Variants in NBEAL1 observed in about 807,000 individuals in gnomAD.
The protein encoded by NBEAL1 is neurobeachin like 1.
In NBEAL1, 273 loss-of-function variants were observed where a neutral mutation model predicts 351.3. The observed-to-expected ratio is 0.78, with a 90% CI of 0.70 to 0.86. The LOEUF is 0.86. Among genes scored for constraint, NBEAL1 ranks in the 40% least tolerant of loss-of-function variants. The pLI is 0.00. For missense variants in NBEAL1, 2,961 were observed against 3,201.3 expected (o/e 0.92, Z 1.81); for synonymous variants, 1,050 against 1,086.4 (o/e 0.97, Z 0.66).
intron 31 of NBEAL1, among the ~76,000 whole-genome samples, chr2:203,144,115 G>A (rs2063449899): frequency 6.6e-6 from 1 of 150,856 alleles, no homozygotes; most frequent in African/African-American, 2.4e-5. Context: ...GGAGGCTGAG[G>A]CAGGAGAATC....
chr2:203,112,622 T>C (rs888632079), intron 16 of NBEAL1, among the ~76,000 whole-genome samples: 2 of 152,328 alleles, frequency 1.3e-5, no homozygotes, highest in East Asian at 3.9e-4. Flanking sequence ...TAATTTTTTG[T>C]TGGTTTTCAT....
upstream of NBEAL1, chr2:203,014,612 C>T (rs1258635932): frequency 6.6e-6 from 1 of 152,258 alleles, no homozygotes; most frequent in Non-Finnish European, 1.5e-5. Flanking sequence ...CACGTCAGCC[C>T]TCCTCCATGT....
chr2:203,150,370 G>A (rs969446532), intron 34 of NBEAL1, among the ~76,000 whole-genome samples: 3 of 151,868 alleles, frequency 2.0e-5, no homozygotes, highest in South Asian at 4.2e-4. Context: ...AGAAATGTCT[G>A]CGCAAGTCCT....
At chr2:203,029,285 C>T (rs1242063019) in intron 2 of NBEAL1, among the ~76,000 whole-genome samples, 1 of 152,132 alleles carries the variant, frequency 6.6e-6, no homozygotes, top group African/African-American at 2.4e-5. Context: ...CCCCCACACC[C>T]AGCCTGCATC....
chr2:203,138,525 A>T, intron 30 of NBEAL1, 95 bp from the exon 31 acceptor site: 1 of 1,295,530 alleles, frequency 7.7e-7, no homozygotes, highest in African/African-American at 1.5e-5. Flanking sequence ...AGCTTTTGAA[A>T]TATTTGTGGT....
chr2:203,169,037 T>G (rs933526555), intron 38 of NBEAL1, among the ~76,000 whole-genome samples: 1 of 152,186 alleles, frequency 6.6e-6, no homozygotes. Flanking sequence ...TTAATTTAAT[T>G]TATTTGCCAA....
intron 7 of NBEAL1, among the ~76,000 whole-genome samples, chr2:203,073,533 T>G (rs1254871776): frequency 2.0e-5 from 3 of 152,102 alleles, no homozygotes; most frequent in South Asian, 4.1e-4. Context: ...CCCAGCTACT[T>G]AGGAGGCTGA....
chr2:203,159,923 A>T (rs1460415667), intron 36 of NBEAL1, among the ~76,000 whole-genome samples: 1 of 151,598 alleles, frequency 6.6e-6, no homozygotes, highest in African/African-American at 2.4e-5. Flanking sequence ...TTTTGTAAAA[A>T]TTCATTATAG....
rs1487575157 is a variant in NBEAL1, at chr2:203,136,331, C to T, written c.4389+79C>T. The T allele has an allele frequency of 1.5e-5, 15 of 1,033,394 alleles. No homozygotes were observed. In the East Asian group the frequency reaches 3.5e-4, roughly 24 times the overall value. 64.0% of individuals were successfully genotyped at this position (1,033,394 alleles called of 1,614,324 possible). A position where few individuals can be genotyped will look rare whatever the true frequency, so the allele number is the denominator to read the frequency against. On this transcript the variant is annotated intron_variant, in intron 28 of 55. Transcript: ENST00000683969. ...CTTCTAATCCTTAGAAATATGTGAG[C>T]AGTTGTTAACAATTTCATATTGTAT...
intron 47 of NBEAL1, among the ~76,000 whole-genome samples, chr2:203,194,415 A>G (rs891795744): frequency 1.4e-4 from 22 of 152,220 alleles, no homozygotes; most frequent in African/African-American, 5.1e-4. Flanking sequence ...TATAAAATGC[A>G]TTCATACCTA....
At chr2:203,109,658 T>C (rs2062517397) in intron 14 of NBEAL1, among the ~76,000 whole-genome samples, 1 of 152,132 alleles carries the variant, frequency 6.6e-6, no homozygotes, top group Non-Finnish European at 1.5e-5. Flanking sequence ...TAGCTGGGAC[T>C]ACAGGCGCCC....
intron 10 of NBEAL1, among the ~76,000 whole-genome samples, chr2:203,092,760 T>C (rs2062091920): frequency 6.6e-6 from 1 of 152,186 alleles, no homozygotes; most frequent in South Asian, 2.1e-4. Context: ...AGAATAAAGA[T>C]TTTAGTATCA....
Position 203,224,214 on chromosome 2 carries a change from T to C in NBEAL1, c.*6860T>C, listed in dbSNP as rs900513594. ...TTTTTGCTGCTCTCAAAGACTGTGATTGATGAACATCACCAAACTTTTTTT... is the reference window on the plus strand; with the variant it reads ...TTTTTGCTGCTCTCAAAGACTGTGACTGATGAACATCACCAAACTTTTTTT... On this transcript the variant is annotated 3_prime_UTR_variant, in exon 56 of 56. Transcript: ENST00000683969. Among the ~76,000 whole-genome samples the C allele has an allele frequency of 1.3e-5, 2 of 152,096 alleles. No individual in the cohort carries two copies. The highest frequency in any genetic ancestry group is 2.9e-5 in the Non-Finnish European group (2 of 67,916).
chr2:203,076,490 C>CA (rs201070728), intron 7 of NBEAL1, among the ~76,000 whole-genome samples: 716 of 17,250 alleles, frequency 0.042, 5 homozygotes, highest in South Asian at 0.098. Flanking sequence ...AACAAACAAA[C>CA]AAACAAAAAA....
chr2:203,204,074 G>A (rs368309847), intron 51 of NBEAL1, among the ~76,000 whole-genome samples: 53 of 151,098 alleles, frequency 3.5e-4, no homozygotes, highest in East Asian at 1.6e-3. Context: ...GACTACAAGC[G>A]CGTGCCACCA....
intron 3 of NBEAL1, 139 bp downstream of exon 3, chr2:203,041,995 T>C (rs555535708): frequency 1.5e-6 from 1 of 647,782 alleles, no homozygotes; most frequent in East Asian, 2.7e-5. Context: ...CATAGAGACA[T>C]AGCTAATTGA....
chr2:203,221,599 A>C lies in NBEAL1; in HGVS notation c.*4245A>C, dbSNP rs1283507639. ...GCCATACTCATGGCTTATCCTACGC[A>C]TTGTTCCTCTCATCAGCTGAAACTG... On this transcript the variant is annotated 3_prime_UTR_variant, in exon 56 of 56. Coordinates refer to ENST00000683969, the MANE Select transcript of NBEAL1 (RefSeq NM_001378026.1). Among the ~76,000 whole-genome samples, 1 of 152,118 alleles carries C rather than the reference A, an allele frequency of 6.6e-6. No homozygotes were observed. The highest frequency in any genetic ancestry group is 1.5e-5 in the Non-Finnish European group (1 of 68,012).
intron 7 of NBEAL1, among the ~76,000 whole-genome samples, chr2:203,077,195 T>C (rs959500481): frequency 6.6e-6 from 1 of 151,836 alleles, no homozygotes; most frequent in African/African-American, 2.4e-5. Flanking sequence ...GTGGGTCACC[T>C]GAGGTCTCTA....
At chr2:203,100,825 G>A (rs1301177753) in intron 12 of NBEAL1, among the ~76,000 whole-genome samples, 1 of 152,084 alleles carries the variant, frequency 6.6e-6, no homozygotes, top group African/African-American at 2.4e-5. Flanking sequence ...TGGGATTACA[G>A]GCATGAACCA....
Sources: gnomAD v4.1 joint callset for allele counts (sites outside exome capture counted in the v4.1 genomes callset) on GRCh38, gnomAD v4.1.1 for gene constraint, MANE v1.5 for transcripts, NCBI Gene and HGNC (gene_info 2026-07-23, HGNC 2026-07-21) for gene names.